The following PTBP3 variants were observed in gnomAD, a reference collection of about 807,000 sequenced individuals.
The protein encoded by PTBP3 is polypyrimidine tract-binding protein 3.
Under a neutral mutation model 58.7 loss-of-function variants are expected in PTBP3, and 20 were observed. That is an observed-to-expected ratio of 0.34 (90% confidence interval 0.24 to 0.50). PTBP3 has a LOEUF of 0.50. PTBP3 is among the 20% of genes least tolerant of loss of function. PTBP3 has a pLI of 0.98. For missense variants in PTBP3, 509 were observed against 637.2 expected, an observed-to-expected ratio of 0.80 and a Z score of 2.17; for synonymous variants, 185 against 219.8, an observed-to-expected ratio of 0.84 and a Z score of 1.40.
intron 7 of PTBP3, among the ~76,000 whole-genome samples, chr9:112,237,515 C>T (rs888208243): frequency 6.6e-6 from 1 of 152,104 alleles, no homozygotes; most frequent in Non-Finnish European, 1.5e-5. Context: ...AAGAAACAAG[C>T]TTAATGTCTA....
At chr9:112,305,792 G>T (rs1057368500) in intron 1 of PTBP3, among the ~76,000 whole-genome samples, 1 of 151,946 alleles carries the variant, frequency 6.6e-6, no homozygotes, top group South Asian at 2.1e-4. Flanking sequence ...TACAAAAAAT[G>T]AGCCGGGCGT....
chr9:112,231,982 A>AGG (rs1554788045), intron 9 of PTBP3, 117 bp downstream of exon 9: 13 of 377,620 alleles, frequency 3.4e-5, no homozygotes, highest in African/African-American at 5.6e-5. Flanking sequence ...AAGAGAAGAG[A>AGG]AGAGAAGAGA....
At chr9:112,297,805 A>G in intron 2 of PTBP3, 27 bp downstream of exon 2, 2 of 1,454,716 alleles carry the variant, frequency 1.4e-6, no homozygotes, top group Non-Finnish European at 1.8e-6. Context: ...ACAGAAATCA[A>G]ATATTAAAAA....
chr9:112,280,552 C>T (rs951188319), intron 2 of PTBP3, among the ~76,000 whole-genome samples: 4 of 152,132 alleles, frequency 2.6e-5, no homozygotes, highest in Non-Finnish European at 5.9e-5. Flanking sequence ...GAAAATGTTC[C>T]CTTCTATTCC....
the PTBP3 span, among the ~76,000 whole-genome samples, chr9:112,375,308 C>G: frequency 0.01 from 1,596 of 152,310 alleles, 67 homozygotes; most frequent in East Asian, 0.082. Flanking sequence ...CACTGGCTAC[C>G]GCCCATGAAT....
In PTBP3 at chr9:112,221,266, TACACACACACACATTC is replaced by T. The variant is rs955176405; in HGVS notation, c.*2569_*2584del. 3.6e-5 allele frequency: 35 copies of T among 984,266 alleles called. No individual in the cohort carries two copies. The African/African-American group carries it at 4.9e-4, about 14-fold the overall frequency. 61.0% of individuals were successfully genotyped at this position (984,266 alleles called of 1,614,324 possible). A position where few individuals can be genotyped will look rare whatever the true frequency, so the allele number is the denominator to read the frequency against. On this transcript the variant is annotated 3_prime_UTR_variant, in exon 14 of 14. Transcript: ENST00000374257. ...GTGTATTTATGTATATACACTTATC[TACACACACACACATTC>T]ACACACACACACAAACACACCCCTA... is the stretch of plus-strand genomic sequence containing the variant.
At chr9:112,266,109 G>A (rs983027627) in intron 4 of PTBP3, among the ~76,000 whole-genome samples, 3 of 152,150 alleles carry the variant, frequency 2.0e-5, no homozygotes, top group African/African-American at 7.2e-5. Flanking sequence ...AGGGAGGAAG[G>A]AATAGGGAGT....
Position 112,227,632 on chromosome 9 carries a change from T to C in PTBP3, c.1148-5A>G, listed in dbSNP as rs1036305432. 1.9e-6 allele frequency: 3 copies of C among 1,612,004 alleles called. No individual in the cohort carries two copies. Among genetic ancestry groups the C allele is most frequent in the Non-Finnish European group, 2.5e-6 (3 of 1,178,176 alleles). ...GACCACTTAGATGGTTCATTGCTAG[T>C]GCATGGGAAGAAAATTTTAAAGTTT... On this transcript the variant is annotated splice_region_variant and splice_polypyrimidine_tract_variant and intron_variant, in intron 11 of 13. Transcript: ENST00000374257.
chr9:112,297,202 C>T (rs1828724703), intron 2 of PTBP3, among the ~76,000 whole-genome samples: 1 of 151,958 alleles, frequency 6.6e-6, no homozygotes, highest in Non-Finnish European at 1.5e-5. Context: ...CATCATCACT[C>T]AAGTTTTGTT....
the PTBP3 span, among the ~76,000 whole-genome samples, chr9:112,367,415 C>A: frequency 6.6e-6 from 1 of 152,076 alleles, no homozygotes; most frequent in Non-Finnish European, 1.5e-5. Context: ...TGAACTCCCA[C>A]AGGTTTTTTT....
intron 5 of PTBP3, among the ~76,000 whole-genome samples, chr9:112,256,311 T>TATATATATA (rs1564409948): frequency 1.5e-5 from 2 of 133,502 alleles, no homozygotes; most frequent in Admixed American, 7.8e-5. Context: ...ATATATATAT[T>TATATATATA]TATCTATCTT....
Position 112,220,381 on chromosome 9 carries a change from TAAAATA to T in PTBP3, c.*3464_*3469del. 8.2e-7 allele frequency: 1 copy of T among 1,221,418 alleles called. No individual in the cohort carries two copies. The highest frequency in any genetic ancestry group is 1.0e-6 in the Non-Finnish European group (1 of 958,376). The allele number at this position is 1,221,418 out of a possible 1,614,324, so 75.7% of individuals were successfully genotyped here. A position where few individuals can be genotyped will look rare whatever the true frequency, so the allele number is the denominator to read the frequency against. On this transcript the variant is annotated 3_prime_UTR_variant, in exon 14 of 14. Coordinates refer to ENST00000374257, the MANE Select transcript of PTBP3 (RefSeq NM_001163788.4). ...CAGGAGTTGGCGAGACCCCTAAAAA[TAAAATA>T]AAGTAAAATAAAAAGAAATTGAGCA...
Position 112,307,224 on chromosome 9 carries a change from G to T in PTBP3, c.-51-9308C>A, listed in dbSNP as rs188065640. ...TCCCAGCACTTTGGGAGGCCAAGGT[G>T]GGGGGATCACTTGAGCTCAGGAGTT... On this transcript the variant is annotated intron_variant, in intron 1 of 13. Transcript: ENST00000374257. Among the ~76,000 whole-genome samples the T allele has an allele frequency of 7.2e-4, 109 of 152,228 alleles. 3 individuals are homozygous for T. In the East Asian group the frequency reaches 0.021, roughly 29 times the overall value.
chr9:112,349,010 T>C, the PTBP3 span, among the ~76,000 whole-genome samples: 48 of 152,342 alleles, frequency 3.2e-4, no homozygotes, highest in African/African-American at 1.1e-3. Flanking sequence ...CCCTGGTTCC[T>C]GTCACGGACT....
At chr9:112,349,818 T>G in the PTBP3 span, among the ~76,000 whole-genome samples, 2 of 127,834 alleles carry the variant, frequency 1.6e-5, no homozygotes, top group Admixed American at 1.9e-4. Context: ...GAACCGAGAT[T>G]GCGCCACTGC....
intron 1 of PTBP3, chr9:112,330,516 A>G: frequency 1.4e-6 from 2 of 1,380,906 alleles, no homozygotes; most frequent in African/African-American, 1.5e-5. Flanking sequence ...AAACAAAGTT[A>G]GAGAACAAGT....
At chr9:112,255,249 T>G (rs1406426465) in intron 5 of PTBP3, among the ~76,000 whole-genome samples, 1 of 152,108 alleles carries the variant, frequency 6.6e-6, no homozygotes, top group East Asian at 1.9e-4. Flanking sequence ...TAAAGGGAGT[T>G]TCAGTTTGGG....
the PTBP3 span, among the ~76,000 whole-genome samples, chr9:112,372,404 A>C: frequency 6.6e-6 from 1 of 152,200 alleles, no homozygotes; most frequent in African/African-American, 2.4e-5. Flanking sequence ...TGTTTAAAAA[A>C]ACGAGGTGGA....
chr9:112,306,290 G>A (rs1829205317), intron 1 of PTBP3, among the ~76,000 whole-genome samples: 1 of 151,844 alleles, frequency 6.6e-6, no homozygotes, highest in Admixed American at 6.6e-5. Flanking sequence ...TCAGCCTCCT[G>A]AGTAGCAGGG....
Sources: allele counts gnomAD v4.1 joint callset (sites outside exome capture counted in the v4.1 genomes callset), GRCh38; gene constraint gnomAD v4.1.1; transcripts MANE v1.5; gene names NCBI Gene and HGNC (gene_info 2026-07-23, HGNC 2026-07-21).